SUN5: variants seen among roughly 807,000 people sequenced by gnomAD.
SUN5 encodes the protein Sad1 and UNC84 domain containing 5, also known as SUN domain-containing protein 5.
SUN5 carries 44 observed loss-of-function variants against 53.7 expected under a neutral mutation model. That is an observed-to-expected ratio of 0.82 (90% CI 0.64 to 1.05). The LOEUF is 1.05. SUN5 is among the 50% of genes least tolerant of loss of function. The pLI, the probability that SUN5 is intolerant of heterozygous loss-of-function variation, is 0.00. For synonymous variants in SUN5, 166 were observed against 179.8 expected, an observed-to-expected ratio of 0.92 and a Z score of 0.62; for missense variants, 433 against 483.8, an observed-to-expected ratio of 0.90 and a Z score of 0.98.
At chr20:32,986,800 G>A (rs1989553983) in intron 10 of SUN5, among the ~76,000 whole-genome samples, 1 of 152,138 alleles carries the variant, frequency 6.6e-6, no homozygotes, top group African/African-American at 2.4e-5. Flanking sequence ...GCCACTGCCC[G>A]CCGCGTCCCC....
At chr20:33,000,770 G>A (rs1026654717) in intron 4 of SUN5, among the ~76,000 whole-genome samples, 21 of 151,108 alleles carry the variant, frequency 1.4e-4, no homozygotes, top group Admixed American at 4.0e-4. Flanking sequence ...GCTTGAATTC[G>A]AAAAGTAGAG....
At chr20:32,988,642 G>T (rs1411275811) in intron 9 of SUN5, among the ~76,000 whole-genome samples, 10 of 152,006 alleles carry the variant, frequency 6.6e-5, no homozygotes, top group African/African-American at 2.2e-4. Flanking sequence ...AGGCTGGAGT[G>T]CAGTGGCGCG....
chr20:33,000,184 A>G, intron 4 of SUN5, 49 bp from the exon 5 acceptor site: 2 of 1,561,346 alleles, frequency 1.3e-6, no homozygotes, highest in South Asian at 1.2e-5. Flanking sequence ...AGGCCCTGCC[A>G]AGTGTTCACC....
chr20:33,001,789 C>T (rs1990053356), intron 3 of SUN5, among the ~76,000 whole-genome samples: 1 of 151,514 alleles, frequency 6.6e-6, no homozygotes, highest in Non-Finnish European at 1.5e-5. Context: ...TTGCCTCAGC[C>T]TCCTGAGTAG....
chr20:33,002,676 G>A lies in SUN5; in HGVS notation c.137-15C>T. ...GATGTTGTCATCTGCAGAGAGCACA[G>A]GACTGTCATGTCACTGCCAGCCTCT... is the stretch of plus-strand genomic sequence containing the variant. On this transcript the variant is annotated splice_polypyrimidine_tract_variant and intron_variant, in intron 2 of 12. Coordinates refer to ENST00000356173, the MANE Select transcript of SUN5 (RefSeq NM_080675.4). 1 of 1,614,138 alleles carries A rather than the reference G, an allele frequency of 6.2e-7. No homozygotes were observed. Among genetic ancestry groups the A allele is most frequent in the South Asian group, 1.1e-5 (1 of 91,084 alleles).
chr20:33,002,693 C>T (rs752529263), intron 2 of SUN5, 32 bp from the exon 3 acceptor site: 9 of 1,613,160 alleles, frequency 5.6e-6, no homozygotes, highest in Non-Finnish European at 7.6e-6. Flanking sequence ...CATGTCACTG[C>T]CAGCCTCTTG....
At chr20:32,987,399 G>C (rs918303058) in intron 10 of SUN5, among the ~76,000 whole-genome samples, 2 of 151,938 alleles carry the variant, frequency 1.3e-5, no homozygotes, top group African/African-American at 4.8e-5. Flanking sequence ...CCTCTGTTTC[G>C]CTCCTACCCT....
intron 3 of SUN5, among the ~76,000 whole-genome samples, chr20:33,001,928 A>G (rs866894541): frequency 4.6e-5 from 7 of 152,186 alleles, no homozygotes; most frequent in Non-Finnish European, 7.3e-5. Context: ...CTGGGATTAC[A>G]GGCATGAGCC....
chr20:32,988,309 C>T (rs540586130), intron 9 of SUN5, among the ~76,000 whole-genome samples: 1 of 152,304 alleles, frequency 6.6e-6, no homozygotes, highest in Admixed American at 6.5e-5. Context: ...CTATCTGACC[C>T]CGCGTCTCAC....
intron 5 of SUN5, 67 bp from the exon 6 acceptor site, chr20:32,997,754 T>C: frequency 6.3e-7 from 1 of 1,580,908 alleles, no homozygotes; most frequent in South Asian, 1.1e-5. Context: ...GTGCTGGAGT[T>C]AGGACATCTG....
intron 11 of SUN5, among the ~76,000 whole-genome samples, chr20:32,985,411 G>GTT (rs772403366): frequency 1.3e-5 from 2 of 152,138 alleles, no homozygotes; most frequent in Non-Finnish European, 2.9e-5. Flanking sequence ...GGATTAGGGT[G>GTT]TTTCCCTGAT....
At chr20:32,992,209 G>A (rs183386712) in intron 8 of SUN5, among the ~76,000 whole-genome samples, 83 of 152,280 alleles carry the variant, frequency 5.5e-4, no homozygotes, top group Non-Finnish European at 9.3e-4. Flanking sequence ...TGCCAGTAGC[G>A]TCTCCTCCTC....
chr20:33,001,646 C>CCTCCCTCCCTCCCTCA lies in SUN5; in HGVS notation c.212-369_212-368insTGAGGGAGGGAGGGAG, dbSNP rs1357961828. ...TTTCTTTTCTTTCTTTCTTTTCCTC[C>CCTCCCTCCCTCCCTCA]CTCCCTCCCTCCCTCCCTCCCTTCC... On this transcript the variant is annotated intron_variant, in intron 3 of 12. Coordinates refer to ENST00000356173, the MANE Select transcript of SUN5 (RefSeq NM_080675.4). Among the ~76,000 whole-genome samples the CCTCCCTCCCTCCCTCA allele has an allele frequency of 1.9e-3, 191 of 102,372 alleles. 1 individual carries two copies. Among genetic ancestry groups the CCTCCCTCCCTCCCTCA allele is most frequent in the Non-Finnish European group, 2.9e-3 (154 of 53,694 alleles). The allele number at this position is 102,372 out of a possible 152,430, so 67.2% of individuals were successfully genotyped here. A position where few individuals can be genotyped will look rare whatever the true frequency, so the allele number is the denominator to read the frequency against.
At position 32,997,658 on chromosome 20, in the gene SUN5, A is replaced by G. The variant is rs781757935; in HGVS notation, c.370T>C (p.Ser124Pro). 2.5e-6 allele frequency: 4 copies of G among 1,614,012 alleles called. No individual in the cohort carries two copies. The highest frequency in any genetic ancestry group is 3.3e-5 in the Admixed American group (2 of 60,018). ...GFWMFSIHLP[S>P]KMKVWQDDSI... is the part of the protein sequence containing the mutation. ...CTCACCTGCCAGACTTTCATTTTCG[A>G]TGGTAAGTGAATAGAAAACATCCAG... The change falls in exon 6 of 13, where the codon TCG (serine) becomes CCG (proline). Residue 124 changes from serine (S) to proline (P), a missense_variant. By Grantham distance (74) the Ser-to-Pro change is moderately conservative. Transcript: ENST00000356173.
chr20:32,987,014 G>A (rs562177883), intron 10 of SUN5, among the ~76,000 whole-genome samples: 24 of 152,316 alleles, frequency 1.6e-4, no homozygotes, highest in Non-Finnish European at 2.5e-4. Context: ...TAGAACCCAC[G>A]GATGAGTGGC....
In SUN5 at chr20:33,000,098, C is replaced by A; in HGVS notation, c.316G>T (p.Gly106Cys). The change falls in exon 5 of 13, where the codon GGC becomes TGC. Residue 106 changes from glycine (G) to cysteine (C), a missense_variant. Coordinates refer to ENST00000356173, the MANE Select transcript of SUN5 (RefSeq NM_080675.4). The stretch of plus-strand genomic sequence containing the variant: ...CCGAAAGCACAGAGGAGCAGAATGC[C>A]TGTCTTCTCCATGAGCTTCTGGCAC... ...LLCQKLMEKT[G>C]ILLLCAFGFW... The A allele has an allele frequency of 1.2e-6, 2 of 1,608,888 alleles. No homozygotes were observed. The highest frequency in any genetic ancestry group is 1.7e-6 in the Non-Finnish European group (2 of 1,178,496).
At chr20:32,992,665 T>C (rs1051094254) in intron 8 of SUN5, among the ~76,000 whole-genome samples, 1 of 152,182 alleles carries the variant, frequency 6.6e-6, no homozygotes, top group African/African-American at 2.4e-5. Flanking sequence ...CGCTATAGCC[T>C]GGGAGGAGAT....
intron 6 of SUN5, 80 bp downstream of exon 6, chr20:32,997,558 T>G: frequency 6.6e-7 from 1 of 1,512,022 alleles, no homozygotes; most frequent in Admixed American, 1.8e-5. Flanking sequence ...TTGGTGAGAA[T>G]GAATGGAGCT....
chr20:32,996,851 A>C (rs1989864460), intron 6 of SUN5, among the ~76,000 whole-genome samples: 1 of 151,988 alleles, frequency 6.6e-6, no homozygotes, highest in Non-Finnish European at 1.5e-5. Context: ...CCAACCTTCC[A>C]TCTGTCCATC....
Sources: gnomAD v4.1 joint callset for allele counts (sites outside exome capture counted in the v4.1 genomes callset) on GRCh38, gnomAD v4.1.1 for gene constraint, MANE v1.5 for transcripts, NCBI Gene and HGNC (gene_info 2026-07-23, HGNC 2026-07-21) for gene names.